The following ADAMTS6 variants were observed in gnomAD, a reference collection of about 807,000 sequenced individuals.
ADAMTS6 encodes ADAM metallopeptidase with thrombospondin type 1 motif 6.
A neutral mutation model predicts 144.3 loss-of-function variants in ADAMTS6; 23 were observed. That is an observed-to-expected ratio of 0.16 (90% CI 0.11 to 0.23). The LOEUF (loss-of-function observed/expected upper bound fraction) is 0.23, where lower values mean the gene tolerates loss of function less well. Among genes scored for constraint, ADAMTS6 ranks in the 10% least tolerant of loss-of-function variants. ADAMTS6 has a pLI of 1.00. For synonymous variants in ADAMTS6, 444 were observed against 457.5 expected (o/e 0.97, Z 0.38); for missense variants, 999 against 1,379.6 (o/e 0.72, Z 4.37).
chr5:65,300,586 A>G (rs1335047538), intron 9 of ADAMTS6, among the ~76,000 whole-genome samples: 6 of 152,138 alleles, frequency 3.9e-5, no homozygotes, highest in Admixed American at 3.9e-4. Context: ...AGCTATGATC[A>G]GTTGAGTTTT....
At chr5:65,311,153 G>A (rs138920627) in intron 9 of ADAMTS6, among the ~76,000 whole-genome samples, 2 of 152,250 alleles carry the variant, frequency 1.3e-5, no homozygotes, top group Non-Finnish European at 1.5e-5. Flanking sequence ...GTGCATCAAT[G>A]GGAGACTATC....
chr5:65,350,147 A>G (rs768678673), intron 7 of ADAMTS6, among the ~76,000 whole-genome samples: 2 of 152,218 alleles, frequency 1.3e-5, no homozygotes, highest in Non-Finnish European at 2.9e-5. Context: ...GTAAGTATCT[A>G]TAGTGTTGTA....
intron 4 of ADAMTS6, among the ~76,000 whole-genome samples, chr5:65,459,586 T>C (rs1447926632): frequency 6.6e-6 from 1 of 152,206 alleles, no homozygotes; most frequent in Non-Finnish European, 1.5e-5. Context: ...ATAAACACTA[T>C]TTCCTCTATG....
At chr5:65,411,144 T>G (rs1220919492) in intron 7 of ADAMTS6, among the ~76,000 whole-genome samples, 1 of 152,180 alleles carries the variant, frequency 6.6e-6, no homozygotes, top group Non-Finnish European at 1.5e-5. Flanking sequence ...GGCCTGCTTC[T>G]TTTTTAAGGG....
chr5:65,284,452 G>T (rs1580292161), intron 11 of ADAMTS6, among the ~76,000 whole-genome samples: 1 of 152,024 alleles, frequency 6.6e-6, no homozygotes, highest in East Asian at 1.9e-4. Flanking sequence ...GGCCTACTGG[G>T]TAGGTTTGTT....
At chr5:65,254,840 A>G (rs1206927391) in intron 14 of ADAMTS6, among the ~76,000 whole-genome samples, 2 of 152,262 alleles carry the variant, frequency 1.3e-5, no homozygotes, top group African/African-American at 4.8e-5. Flanking sequence ...GGAAATATAA[A>G]ATACTCCACC....
intron 7 of ADAMTS6, among the ~76,000 whole-genome samples, chr5:65,441,946 G>A (rs1331521737): frequency 6.6e-6 from 1 of 151,720 alleles, no homozygotes; most frequent in East Asian, 1.9e-4. Context: ...ATATGTAGGG[G>A]GAATTTTCTA....
intron 24 of ADAMTS6, among the ~76,000 whole-genome samples, chr5:65,163,811 T>C (rs1366957466): frequency 6.6e-6 from 1 of 152,270 alleles, no homozygotes; most frequent in Non-Finnish European, 1.5e-5. Context: ...ACTTCTGCAC[T>C]ATGCCATGTT....
At chr5:65,272,747 C>T (rs1447518031) in intron 12 of ADAMTS6, among the ~76,000 whole-genome samples, 10 of 151,552 alleles carry the variant, frequency 6.6e-5, no homozygotes, top group Non-Finnish European at 1.5e-4. Context: ...TGGTGAAACC[C>T]CGTCTCTACC....
rs1282895977 is a variant in ADAMTS6, at chr5:65,409,032, C to T, written c.1073+42443G>A. Among the ~76,000 whole-genome samples the T allele has an allele frequency of 2.0e-5, 3 of 152,112 alleles. No homozygotes were observed. In the East Asian group the frequency reaches 5.8e-4, roughly 29 times the overall value. ...GAGGGAAATTTATAGCACTAAATGC[C>T]CACAAGAGAAAGCAGGAAAGATCTA... is the stretch of plus-strand genomic sequence containing the variant. On this transcript the variant is annotated intron_variant, in intron 7 of 24. Transcript: ENST00000381055.
Position 65,149,309 on chromosome 5 carries a change from G to C in ADAMTS6, c.*2527C>G, listed in dbSNP as rs886228464. On this transcript the variant is annotated 3_prime_UTR_variant, in exon 25 of 25. Transcript: ENST00000381055. ...AGGAATAGGGCATCATGTAGCCATG[G>C]GGGTGGCTACAGAGTAGCAGCAGTA... 1 of 152,214 alleles carries C rather than the reference G, an allele frequency of 6.6e-6. No homozygotes were observed. Among genetic ancestry groups the C allele is most frequent in the African/African-American group, 2.4e-5 (1 of 41,448 alleles). 9.4% of individuals were successfully genotyped at this position (152,214 alleles called of 1,614,324 possible). A position where few individuals can be genotyped will look rare whatever the true frequency, so the allele number is the denominator to read the frequency against.
At chr5:65,410,778 G>T (rs1580641765) in intron 7 of ADAMTS6, among the ~76,000 whole-genome samples, 1 of 152,060 alleles carries the variant, frequency 6.6e-6, no homozygotes, top group African/African-American at 2.4e-5. Context: ...TGCAGTATTT[G>T]TCTTTCTATG....
intron 11 of ADAMTS6, among the ~76,000 whole-genome samples, chr5:65,276,835 G>C (rs1379571361): frequency 6.6e-6 from 1 of 151,984 alleles, no homozygotes; most frequent in Non-Finnish European, 1.5e-5. Flanking sequence ...CTGAAGTATA[G>C]TGAGAAAGAA....
chr5:65,416,748 T>TA lies in ADAMTS6; in HGVS notation c.1073+34726dup, dbSNP rs143757215. Among the ~76,000 whole-genome samples, 174 of 132,738 alleles carry TA rather than the reference T, an allele frequency of 1.3e-3. 3 individuals are homozygous for TA. Among genetic ancestry groups the TA allele is most frequent in the Admixed American group, 1.7e-3 (22 of 12,838 alleles). 87.1% of individuals were successfully genotyped at this position (132,738 alleles called of 152,430 possible). On this transcript the variant is annotated intron_variant, in intron 7 of 24. Coordinates refer to ENST00000381055, the MANE Select transcript of ADAMTS6 (RefSeq NM_197941.4). Reference sequence around the variant, plus strand: ...CTGGGCAACAGAGCAAGACTCCATTTAAAAAAAAAAAAAAAAACCAACAAC... The same window carrying TA: ...CTGGGCAACAGAGCAAGACTCCATTTAAAAAAAAAAAAAAAAAACCAACAAC...
chr5:65,270,118 A>G (rs1761943785), intron 12 of ADAMTS6, among the ~76,000 whole-genome samples: 2 of 152,062 alleles, frequency 1.3e-5, no homozygotes, highest in Admixed American at 1.3e-4. Flanking sequence ...AATATTCATC[A>G]TCTTTGTCAT....
intron 7 of ADAMTS6, among the ~76,000 whole-genome samples, chr5:65,371,593 C>A (rs199978339): frequency 6.6e-6 from 1 of 152,106 alleles, no homozygotes; most frequent in Admixed American, 6.5e-5. Context: ...AAGAAACGAA[C>A]AAAGCCTCCA....
At chr5:65,364,556 ATTTC>A (rs1247219035) in intron 7 of ADAMTS6, among the ~76,000 whole-genome samples, 8 of 142,066 alleles carry the variant, frequency 5.6e-5, no homozygotes, top group Admixed American at 4.2e-4. Flanking sequence ...TCCTGAATGA[ATTTC>A]TTTCTTTTTT....
rs777627149 is a variant in ADAMTS6 at position 65,467,027 on chromosome 5, C to CG, written c.462+3750_462+3751insC. 5.3e-4 allele frequency among the ~76,000 whole-genome samples: 75 copies of CG among 142,138 alleles called. 1 individual carries two copies. The highest frequency in any genetic ancestry group is 9.1e-4 in the Non-Finnish European group (61 of 66,794). The allele number at this position is 142,138 out of a possible 152,430, so 93.2% of individuals were successfully genotyped here. Reference sequence around the variant, plus strand: ...ACTGCACCCAGCCTGGGCGACAGAGCAGACTCCGTCTCAAAAAAAAAAAAA... The same window carrying CG: ...ACTGCACCCAGCCTGGGCGACAGAGCGAGACTCCGTCTCAAAAAAAAAAAAA... On this transcript the variant is annotated intron_variant, in intron 3 of 24. Transcript: ENST00000381055.
At chr5:65,437,607 C>A (rs1047670622) in intron 7 of ADAMTS6, among the ~76,000 whole-genome samples, 6 of 152,150 alleles carry the variant, frequency 3.9e-5, no homozygotes, top group Admixed American at 1.3e-4. Context: ...TTGGTATACT[C>A]TCAAGATTGG....
Sources: allele counts gnomAD v4.1 joint callset (sites outside exome capture counted in the v4.1 genomes callset), GRCh38; gene constraint gnomAD v4.1.1; transcripts MANE v1.5; gene names NCBI Gene and HGNC (gene_info 2026-07-23, HGNC 2026-07-21).